The following CNGB3 variants were observed in gnomAD, a reference collection of about 807,000 sequenced individuals.
CNGB3 encodes cyclic nucleotide-gated channel beta-3.
Under a neutral mutation model 92.8 loss-of-function variants are expected in CNGB3, and 86 were observed. The observed-to-expected ratio is 0.93, with a 90% CI of 0.78 to 1.11. The LOEUF (loss-of-function observed/expected upper bound fraction) is 1.11, where lower values mean the gene tolerates loss of function less well. Ranked by LOEUF, CNGB3 falls within the 50% of genes least tolerant of loss-of-function variation. CNGB3 has a pLI of 0.00. For synonymous variants in CNGB3, 333 were observed against 332.7 expected (o/e 1.00, Z -0.01); for missense variants, 1,026 against 956.8 (o/e 1.07, Z -0.95).
chr8:86,726,998 C>T (rs993703086), intron 2 of CNGB3, among the ~76,000 whole-genome samples: 18 of 152,222 alleles, frequency 1.2e-4, no homozygotes, highest in South Asian at 6.2e-4. Context: ...CAAGGCTATA[C>T]GGTATACTCT....
At chr8:86,732,486 T>C (rs980677313) in intron 2 of CNGB3, among the ~76,000 whole-genome samples, 4 of 152,174 alleles carry the variant, frequency 2.6e-5, no homozygotes, top group Admixed American at 2.0e-4. Context: ...ACAGCGCTCA[T>C]GAGAAATGAA....
chr8:86,703,194 A>G (rs1489176501), intron 3 of CNGB3, among the ~76,000 whole-genome samples: 3 of 152,082 alleles, frequency 2.0e-5, no homozygotes, highest in Admixed American at 1.3e-4. Flanking sequence ...TACTTAAAAC[A>G]AGACTAATTA....
Position 86,611,624 on chromosome 8 carries a change from G to T in CNGB3, c.1626C>A (p.Ser542=), listed in dbSNP as rs35903042. 6.2e-7 allele frequency: 1 copy of T among 1,613,262 alleles called. No homozygotes were observed. Among genetic ancestry groups the T allele is most frequent in the Non-Finnish European group, 8.5e-7 (1 of 1,179,524 alleles). The change falls in exon 14 of 18, where the codon TCC becomes TCA. Residue 542 remains serine, a synonymous_variant. Coordinates refer to ENST00000320005, the MANE Select transcript of CNGB3 (RefSeq NM_019098.5). ...MIYDMLLRLK[S]VLYLPGDFVC... ...CAAAGTCACCAGGCAAATAGAGAAC[G>T]GATTTCAATCTTAGCAACATGTCAT...
chr8:86,674,794 C>A (rs1823932370), intron 3 of CNGB3, among the ~76,000 whole-genome samples: 2 of 152,060 alleles, frequency 1.3e-5, no homozygotes, highest in Admixed American at 1.3e-4. Flanking sequence ...GCTCTGCTGC[C>A]CAGGCTGGAG....
In CNGB3 at chr8:86,726,722, AACATGAGCT is replaced by A. The variant is rs1825067300; in HGVS notation, c.212-74_212-66del. On this transcript the variant is annotated intron_variant, in intron 2 of 17. Transcript: ENST00000320005. ...CACTCTTGACCCAGCTATATTTGGC[AACATGAGCT>A]ACAAAGATGCTGCTTGTTTTTTAGA... is the stretch of plus-strand genomic sequence containing the variant. 5.7e-6 allele frequency: 9 copies of A among 1,572,880 alleles called. No individual in the cohort carries two copies. In the South Asian group the frequency reaches 1.0e-4, roughly 17 times the overall value.
intron 2 of CNGB3, among the ~76,000 whole-genome samples, chr8:86,735,204 G>T (rs370185827): frequency 1.6e-5 from 2 of 127,676 alleles, no homozygotes; most frequent in South Asian, 2.6e-4. Context: ...GTGCAGTGGC[G>T]CAATCTCGGC....
chr8:86,647,737 C>A, intron 8 of CNGB3, 64 bp downstream of exon 8: 1 of 915,138 alleles, frequency 1.1e-6, no homozygotes, highest in Admixed American at 1.7e-5. Context: ...TCAAGATTTC[C>A]ATTATAGGGA....
At chr8:86,669,539 T>A (rs1294557146) in intron 4 of CNGB3, among the ~76,000 whole-genome samples, 3 of 152,214 alleles carry the variant, frequency 2.0e-5, no homozygotes, top group African/African-American at 7.2e-5. Flanking sequence ...GGTTTTGGTT[T>A]GGTGCTTCTT....
intron 17 of CNGB3, among the ~76,000 whole-genome samples, chr8:86,578,361 T>C (rs1388935073): frequency 1.3e-5 from 2 of 152,142 alleles, no homozygotes; most frequent in Non-Finnish European, 2.9e-5. Flanking sequence ...GCACCATGAG[T>C]ATTGATTTTA....
intron 2 of CNGB3, among the ~76,000 whole-genome samples, chr8:86,735,143 C>CTTTTTTT (rs1563770352): frequency 2.4e-3 from 6 of 2,538 alleles, no homozygotes; most frequent in African/African-American, 5.0e-3. Flanking sequence ...AAAATGGTTG[C>CTTTTTTT]CTTTTTTTTT....
In CNGB3 at chr8:86,670,998, T is replaced by C. The variant is rs749542487; in HGVS notation, c.439A>G (p.Lys147Glu). The change falls in exon 4 of 18, where the codon AAG becomes GAG. Residue 147 changes from lysine (K) to glutamate (E), a missense_variant. Coordinates refer to ENST00000320005, the MANE Select transcript of CNGB3 (RefSeq NM_019098.5). Reference protein sequence around the residue: ...KRMRQRTALYKKKLVEGDLSS... With the variant: ...KRMRQRTALYEKKLVEGDLSS... Reference sequence around the variant, plus strand: ...AGATCTCCCTCTACCAACTTTTTCTTGTAGAGGGCTGTTCTTTGACGCATT... The same window carrying C: ...AGATCTCCCTCTACCAACTTTTTCTCGTAGAGGGCTGTTCTTTGACGCATT... The C allele has an allele frequency of 1.9e-6, 3 of 1,613,218 alleles. No homozygotes were observed. The highest frequency in any genetic ancestry group is 2.7e-5 in the African/African-American group (2 of 74,866).
chr8:86,597,354 G>A (rs2131552967), intron 15 of CNGB3, among the ~76,000 whole-genome samples: 1 of 152,326 alleles, frequency 6.6e-6, no homozygotes, highest in Middle Eastern at 3.4e-3. Context: ...TTCTGGTGCA[G>A]AGAACATTTG....
At chr8:86,662,665 G>T (rs1823665023) in intron 6 of CNGB3, among the ~76,000 whole-genome samples, 1 of 152,208 alleles carries the variant, frequency 6.6e-6, no homozygotes, top group Non-Finnish European at 1.5e-5. Flanking sequence ...TGCTACATTT[G>T]CAGTAGGGAG....
At chr8:86,629,662 A>G (rs1315244804) in intron 11 of CNGB3, among the ~76,000 whole-genome samples, 1 of 152,208 alleles carries the variant, frequency 6.6e-6, no homozygotes, top group Non-Finnish European at 1.5e-5. Flanking sequence ...GATAAAATCA[A>G]ATCTCATCAT....
At chr8:86,721,683 A>G (rs1389664252) in intron 3 of CNGB3, among the ~76,000 whole-genome samples, 1 of 152,212 alleles carries the variant, frequency 6.6e-6, no homozygotes, top group Non-Finnish European at 1.5e-5. Flanking sequence ...TATTTTTATT[A>G]TGCATCCCAC....
intron 3 of CNGB3, among the ~76,000 whole-genome samples, chr8:86,716,410 G>A (rs1330417922): frequency 6.6e-6 from 1 of 152,162 alleles, no homozygotes; most frequent in Admixed American, 6.5e-5. Flanking sequence ...TCATCGCCTA[G>A]CACATAGTCA....
chr8:86,692,261 T>A (rs1412146956), intron 3 of CNGB3, among the ~76,000 whole-genome samples: 2 of 152,198 alleles, frequency 1.3e-5, no homozygotes, highest in African/African-American at 4.8e-5. Flanking sequence ...AGTTTATAGT[T>A]TAAGTCCCTT....
intron 13 of CNGB3, among the ~76,000 whole-genome samples, chr8:86,613,837 A>G (rs1019089233): frequency 1.3e-5 from 2 of 149,530 alleles, no homozygotes; most frequent in Non-Finnish European, 3.0e-5. Context: ...GATTTTAAAT[A>G]TTGTTTTCCT....
At chr8:86,657,628 G>C (rs931059168) in intron 6 of CNGB3, 2 of 406,560 alleles carry the variant, frequency 4.9e-6, no homozygotes, top group African/African-American at 4.2e-5. Flanking sequence ...GCTCCTGTGG[G>C]AGCTGGGGCA....
Sources: allele counts gnomAD v4.1 joint callset (sites outside exome capture counted in the v4.1 genomes callset), GRCh38; gene constraint gnomAD v4.1.1; transcripts MANE v1.5; gene names NCBI Gene and HGNC (gene_info 2026-07-23, HGNC 2026-07-21).